Variants in BTBD16 observed in about 807,000 individuals in gnomAD.
BTBD16 encodes BTB domain containing 16.
BTBD16 carries 66 observed loss-of-function variants against 67.4 expected under a neutral mutation model. The observed-to-expected ratio is 0.98, with a 90% confidence interval of 0.80 to 1.20. BTBD16 has a LOEUF of 1.20. BTBD16 is among the 50% of genes most tolerant of loss of function. BTBD16 has a pLI of 0.00. For synonymous variants in BTBD16, 242 were observed against 236.4 expected (o/e 1.02, Z -0.22); for missense variants, 634 against 616.0 (o/e 1.03, Z -0.31).
At chr10:122,284,004 A>T in intron 4 of BTBD16, 80 bp downstream of exon 4, 3 of 1,068,364 alleles carry the variant, frequency 2.8e-6, no homozygotes, top group Admixed American at 3.5e-5. Context: ...GAAGGAGACC[A>T]GTCCATAAAC....
At chr10:122,319,186 A>C (rs2096431399) in intron 10 of BTBD16, among the ~76,000 whole-genome samples, 2 of 152,088 alleles carry the variant, frequency 1.3e-5, no homozygotes, top group Admixed American at 6.6e-5. Context: ...TTATATTTTC[A>C]TTTTCAAAAT....
chr10:122,316,753 T>C (rs2096425368), intron 10 of BTBD16, among the ~76,000 whole-genome samples: 1 of 151,772 alleles, frequency 6.6e-6, no homozygotes, highest in African/African-American at 2.4e-5. Context: ...GGTGCGTGAA[T>C]GTTAAGGCCT....
intron 5 of BTBD16, 195 bp downstream of exon 5, chr10:122,286,443 G>T (rs2096363972): frequency 2.3e-6 from 1 of 442,412 alleles, no homozygotes; most frequent in Admixed American, 6.4e-5. Flanking sequence ...TTAGGATGCG[G>T]CTTTGAAGAG....
chr10:122,326,625 C>T (rs1016908380), intron 10 of BTBD16, among the ~76,000 whole-genome samples: 2 of 152,128 alleles, frequency 1.3e-5, no homozygotes, highest in Non-Finnish European at 2.9e-5. Flanking sequence ...CTCTAAAATA[C>T]AATATGTACC....
At chr10:122,277,156 ATTTT>A (rs34246262) in intron 3 of BTBD16, among the ~76,000 whole-genome samples, 2 of 134,308 alleles carry the variant, frequency 1.5e-5, no homozygotes, top group Non-Finnish European at 3.1e-5. Context: ...GAAAGATTGA[ATTTT>A]TTTTTTTTTT....
chr10:122,316,328 A>C (rs1429612843), intron 10 of BTBD16, among the ~76,000 whole-genome samples: 1 of 152,116 alleles, frequency 6.6e-6, no homozygotes, highest in Non-Finnish European at 1.5e-5. Context: ...CAGCCCCACC[A>C]CCACCATTGG....
chr10:122,274,854 A>G (rs2096336967), intron 1 of BTBD16, among the ~76,000 whole-genome samples, 186 bp from the exon 2 acceptor site: 1 of 152,058 alleles, frequency 6.6e-6, no homozygotes, highest in Non-Finnish European at 1.5e-5. Context: ...TTACAAAAAA[A>G]ACAAAAAACA....
At chr10:122,329,405 G>A (rs2096451080) in intron 10 of BTBD16, 75 bp from the exon 11 acceptor site, 3 of 1,452,086 alleles carry the variant, frequency 2.1e-6, no homozygotes, top group Admixed American at 1.7e-5. Context: ...CTACAACATG[G>A]CTTTCCCTAG....
intron 11 of BTBD16, among the ~76,000 whole-genome samples, chr10:122,330,266 T>A (rs2133317641): frequency 6.6e-6 from 1 of 152,068 alleles, no homozygotes; most frequent in South Asian, 2.1e-4. Context: ...GGGTGAGGCG[T>A]GGTTGTAGGG....
chr10:122,318,767 G>A (rs2096430615), intron 10 of BTBD16, among the ~76,000 whole-genome samples: 1 of 152,252 alleles, frequency 6.6e-6, no homozygotes, highest in Admixed American at 6.5e-5. Flanking sequence ...TGTATATTTA[G>A]TAGAGACAGG....
At chr10:122,308,219 T>A (rs2096407129) in intron 10 of BTBD16, among the ~76,000 whole-genome samples, 1 of 152,144 alleles carries the variant, frequency 6.6e-6, no homozygotes, top group African/African-American at 2.4e-5. Context: ...GTTTTTAATA[T>A]GGAAGAAGCA....
At position 122,302,748 on chromosome 10, in the gene BTBD16, T is replaced by C. The variant is rs568888006; in HGVS notation, c.791+3614T>C. 1.8e-4 allele frequency among the ~76,000 whole-genome samples: 27 copies of C among 152,368 alleles called. No homozygotes were observed. In the South Asian group the frequency reaches 5.6e-3, roughly 32 times the overall value. ...CCAATTATTCAGCTATATACAGTTG[T>C]TGTTGTATAGAGAATATTCTGAGTG... On this transcript the variant is annotated intron_variant, in intron 9 of 15. Coordinates refer to ENST00000260723, the MANE Select transcript of BTBD16 (RefSeq NM_144587.5).
At chr10:122,319,487 A>G (rs980666894) in intron 10 of BTBD16, among the ~76,000 whole-genome samples, 3 of 152,070 alleles carry the variant, frequency 2.0e-5, no homozygotes, top group Non-Finnish European at 2.9e-5. Context: ...AGAGTATTCT[A>G]TTTCCCTTGA....
intron 5 of BTBD16, among the ~76,000 whole-genome samples, chr10:122,288,222 T>C (rs1200834849): frequency 2.6e-5 from 4 of 152,144 alleles, no homozygotes; most frequent in Non-Finnish European, 5.9e-5. Flanking sequence ...CTCACATGCA[T>C]CCTCCCATTT....
In BTBD16 at chr10:122,286,266, C is replaced by T. The variant is rs188211624; in HGVS notation, c.385+18C>T. The stretch of plus-strand genomic sequence containing the variant: ...TCTGCGAGGTACTTCCTCCCTGGCA[C>T]CCAGTGCTGGAGCCCCAGTGCCCTC... On this transcript the variant is annotated intron_variant, in intron 5 of 15. Coordinates refer to ENST00000260723, the MANE Select transcript of BTBD16 (RefSeq NM_144587.5). The T allele has an allele frequency of 2.5e-6, 4 of 1,595,186 alleles. No individual in the cohort carries two copies. In the Admixed American group the frequency reaches 5.2e-5, roughly 21 times the overall value.
At chr10:122,306,072 G>A (rs963684786) in intron 9 of BTBD16, among the ~76,000 whole-genome samples, 9 of 152,176 alleles carry the variant, frequency 5.9e-5, no homozygotes, top group Admixed American at 2.0e-4. Context: ...TATTCTAGAT[G>A]ACCTGGGTGG....
intron 5 of BTBD16, 91 bp downstream of exon 5, chr10:122,286,339 C>T (rs2104176): frequency 6.7e-6 from 10 of 1,491,178 alleles, no homozygotes; most frequent in South Asian, 2.7e-5. Context: ...TTTGAGACCA[C>T]GGTCACTCTA....
In BTBD16 at chr10:122,318,393, T is replaced by C. The variant is rs774403728; in HGVS notation, c.911+11085T>C. ...ATTTGTTTTTCTATTCATCTTTTCA[T>C]AGACATTTGGGTTGTTTTTAGTAAC... On this transcript the variant is annotated intron_variant, in intron 10 of 15. Coordinates refer to ENST00000260723, the MANE Select transcript of BTBD16 (RefSeq NM_144587.5). 7.7e-4 allele frequency among the ~76,000 whole-genome samples: 117 copies of C among 152,208 alleles called. 1 individual carries two copies. Among genetic ancestry groups the C allele is most frequent in the Non-Finnish European group, 1.5e-4 (10 of 68,038 alleles).
At chr10:122,288,413 G>C (rs972238173) in intron 5 of BTBD16, among the ~76,000 whole-genome samples, 3 of 152,214 alleles carry the variant, frequency 2.0e-5, no homozygotes, top group African/African-American at 7.2e-5. Context: ...GGGAGATGGA[G>C]GGGAAAGGAT....
Sources: gnomAD v4.1 joint callset for allele counts (sites outside exome capture counted in the v4.1 genomes callset) on GRCh38, gnomAD v4.1.1 for gene constraint, MANE v1.5 for transcripts, NCBI Gene and HGNC (gene_info 2026-07-23, HGNC 2026-07-21) for gene names.